The following PLXNA4 variants were observed in gnomAD, a reference collection of about 807,000 sequenced individuals.
PLXNA4 encodes the protein plexin-A4.
Under a neutral mutation model 191.8 loss-of-function variants are expected in PLXNA4, and 44 were observed. The observed-to-expected ratio is 0.23, with a 90% CI of 0.18 to 0.29. The LOEUF (loss-of-function observed/expected upper bound fraction) is 0.29. Among genes scored for constraint, PLXNA4 ranks in the 10% least tolerant of loss-of-function variants. The pLI is 1.00. For missense variants in PLXNA4, 1,800 were observed against 2,488.8 expected (o/e 0.72, Z 5.89); for synonymous variants, 1,082 against 1,009.5 (o/e 1.07, Z -1.36).
At chr7:132,248,109 G>A (rs1799123807) in intron 4 of PLXNA4, among the ~76,000 whole-genome samples, 1 of 152,200 alleles carries the variant, frequency 6.6e-6, no homozygotes, top group South Asian at 2.1e-4. Context: ...CGAGGCAAAT[G>A]AATGCTTCCG....
intron 20 of PLXNA4, among the ~76,000 whole-genome samples, chr7:132,175,603 C>A (rs981114310): frequency 4.6e-5 from 7 of 152,202 alleles, no homozygotes; most frequent in Non-Finnish European, 7.3e-5. Flanking sequence ...GCAGCTCAGG[C>A]CTCCAGATGA....
intron 13 of PLXNA4, among the ~76,000 whole-genome samples, chr7:132,196,861 C>T (rs1450885): frequency 0.45 from 68,607 of 151,980 alleles, 16,584 homozygotes; most frequent in South Asian, 0.62. Context: ...GTATGACTTT[C>T]GGTTCTTTTT....
intron 1 of PLXNA4, among the ~76,000 whole-genome samples, chr7:132,559,935 G>T (rs2116628348): frequency 6.6e-6 from 1 of 152,242 alleles, no homozygotes; most frequent in East Asian, 1.9e-4. Flanking sequence ...GAGAAACAGG[G>T]GGTAGAACCT....
chr7:132,536,624 GA>G (rs1799844754), intron 1 of PLXNA4, among the ~76,000 whole-genome samples: 1 of 152,170 alleles, frequency 6.6e-6, no homozygotes. Context: ...AGATTAATTA[GA>G]AGGCCAGTCC....
At position 132,508,631 on chromosome 7, in the gene PLXNA4, G is replaced by A. The variant is rs1282729976; in HGVS notation, c.63C>T (p.Gly21=). 6.2e-7 allele frequency: 1 copy of A among 1,603,562 alleles called. No homozygotes were observed. The highest frequency in any genetic ancestry group is 2.2e-5 in the East Asian group (1 of 44,642). Residue 21 remains glycine (G), a synonymous_variant, in exon 2 of 32, where the codon GGC becomes GGT. Coordinates refer to ENST00000321063, the MANE Select transcript of PLXNA4 (RefSeq NM_020911.2). The surrounding 1 kb of genome is among the most constrained non-coding windows in gnomAD (Gnocchi z 4.4). The part of the protein sequence containing the change: ...LLSHLLMVGM[G]SSTLLTRQPA... ...GCTGCCGGGTGAGCAAAGTGGAGGAGCCCATGCCCACCATGAGGAGGTGGG... is the reference window on the plus strand; with the variant it reads ...GCTGCCGGGTGAGCAAAGTGGAGGAACCCATGCCCACCATGAGGAGGTGGG...
intron 2 of PLXNA4, among the ~76,000 whole-genome samples, chr7:132,621,325 A>G (rs1803262406): frequency 6.7e-6 from 1 of 148,830 alleles, no homozygotes; most frequent in Non-Finnish European, 1.5e-5. Context: ...CAATGGCACA[A>G]TCTTGGCTCA....
At chr7:132,448,388 G>T (rs956411438) in intron 3 of PLXNA4, among the ~76,000 whole-genome samples, 4 of 152,152 alleles carry the variant, frequency 2.6e-5, no homozygotes, top group African/African-American at 7.2e-5. Flanking sequence ...CGAACACCAG[G>T]GTAGAAGTAT....
chr7:132,281,471 G>T (rs1438795816), intron 4 of PLXNA4, among the ~76,000 whole-genome samples: 3 of 152,144 alleles, frequency 2.0e-5, no homozygotes, highest in Non-Finnish European at 4.4e-5. Flanking sequence ...TCATTTGGAA[G>T]ATTTTTAAGC....
intron 3 of PLXNA4, among the ~76,000 whole-genome samples, chr7:132,472,197 C>G (rs1279781267): frequency 6.6e-6 from 1 of 152,072 alleles, no homozygotes; most frequent in Non-Finnish European, 1.5e-5. Flanking sequence ...AAAATTTTGC[C>G]CTGATACTTT....
chr7:132,165,490 G>A (rs973871210), intron 22 of PLXNA4, among the ~76,000 whole-genome samples: 30 of 152,288 alleles, frequency 2.0e-4, no homozygotes, highest in African/African-American at 7.0e-4. Context: ...CCAATTGCAC[G>A]TTCTGTGATG....
intron 3 of PLXNA4, among the ~76,000 whole-genome samples, chr7:132,445,346 T>A (rs1795865566): frequency 1.3e-5 from 2 of 151,824 alleles, no homozygotes. Flanking sequence ...TCTTGATTTT[T>A]GTCTCTGGGG....
At chr7:132,252,020 G>A (rs1161663883) in intron 4 of PLXNA4, among the ~76,000 whole-genome samples, 1 of 152,204 alleles carries the variant, frequency 6.6e-6, no homozygotes, top group Non-Finnish European at 1.5e-5. Context: ...AAAGGAGGCA[G>A]AGACGACAGA....
chr7:132,480,143 A>G (rs1797282075), intron 3 of PLXNA4, among the ~76,000 whole-genome samples: 1 of 152,244 alleles, frequency 6.6e-6, no homozygotes, highest in Non-Finnish European at 1.5e-5. Flanking sequence ...TTAATTGGTC[A>G]AGATAACATT....
chr7:132,214,335 C>T (rs62464981), intron 9 of PLXNA4, among the ~76,000 whole-genome samples: 5,640 of 152,268 alleles, frequency 0.037, 171 homozygotes, highest in Non-Finnish European at 0.057. Context: ...TCCTGATTAT[C>T]GGTAGCCCCA....
At chr7:132,302,162 A>C (rs1420966892) in intron 3 of PLXNA4, among the ~76,000 whole-genome samples, 1 of 152,220 alleles carries the variant, frequency 6.6e-6, no homozygotes, top group Non-Finnish European at 1.5e-5. Context: ...AGATTTCTGC[A>C]TGGAGAAGTA....
At chr7:132,273,367 C>T (rs917133224) in intron 4 of PLXNA4, among the ~76,000 whole-genome samples, 3 of 152,160 alleles carry the variant, frequency 2.0e-5, no homozygotes, top group South Asian at 2.1e-4. Context: ...CGCACGCACA[C>T]GCACACACCT....
chr7:132,129,633 C>G lies in PLXNA4; in HGVS notation c.*846G>C, dbSNP rs1378018309. 1 of 152,634 alleles carries G rather than the reference C, an allele frequency of 6.6e-6. No individual in the cohort carries two copies. Among genetic ancestry groups the G allele is most frequent in the African/African-American group, 2.4e-5 (1 of 41,450 alleles). 9.5% of individuals were successfully genotyped at this position (152,634 alleles called of 1,614,324 possible). On this transcript the variant is annotated 3_prime_UTR_variant, in exon 32 of 32. Transcript: ENST00000321063. ...GGTAAATGGAAAACAAATTCTGCTT[C>G]CAGGGTAGATGCAACTCTCTTTCCT...
intron 3 of PLXNA4, among the ~76,000 whole-genome samples, chr7:132,481,914 C>T (rs1226883662): frequency 6.6e-6 from 1 of 152,218 alleles, no homozygotes; most frequent in Non-Finnish European, 1.5e-5. Flanking sequence ...TCACAGCCTC[C>T]TGTTTATCCT....
intron 3 of PLXNA4, among the ~76,000 whole-genome samples, chr7:132,406,407 G>A (rs1426568537): frequency 2.6e-5 from 4 of 152,092 alleles, no homozygotes; most frequent in Non-Finnish European, 5.9e-5. Flanking sequence ...AGATTTTTAG[G>A]AATTGAGTAA....
Sources: allele counts gnomAD v4.1 joint callset (sites outside exome capture counted in the v4.1 genomes callset), GRCh38; gene constraint gnomAD v4.1.1; non-coding constraint Gnocchi (gnomAD v3.1); transcripts MANE v1.5; gene names NCBI Gene and HGNC (gene_info 2026-07-23, HGNC 2026-07-21).